Variants in ZNF175 observed in about 807,000 individuals in gnomAD.
ZNF175 encodes the protein zinc finger protein OTK18.
Under a neutral mutation model 14.0 loss-of-function variants are expected in ZNF175, and 8 were observed. That is an observed-to-expected ratio of 0.57 (90% CI 0.34 to 1.03). The LOEUF is 1.03. Among genes scored for constraint, ZNF175 ranks in the 50% least tolerant of loss-of-function variants. The probability of loss-of-function intolerance (pLI) is 0.03; values close to 1 mark genes in which losing one functional copy is unlikely to be tolerated. For synonymous variants in ZNF175, 255 were observed against 296.8 expected, an observed-to-expected ratio of 0.86 and a Z score of 1.45; for missense variants, 764 against 849.5, an observed-to-expected ratio of 0.90 and a Z score of 1.25.
chr19:51,575,244 T>C (rs1981737678), intron 2 of ZNF175, among the ~76,000 whole-genome samples: 1 of 131,924 alleles, frequency 7.6e-6, no homozygotes, highest in African/African-American at 2.9e-5. Flanking sequence ...TGAGACGGAG[T>C]CTCGCTCTGA....
intron 2 of ZNF175, among the ~76,000 whole-genome samples, chr19:51,575,307 C>A (rs1981742704): frequency 6.7e-6 from 1 of 150,338 alleles, no homozygotes; most frequent in Non-Finnish European, 1.5e-5. Context: ...AGCTGCACCT[C>A]CCGGGTTAAC....
Position 51,587,604 on chromosome 19 carries a change from G to A in ZNF175, c.1273G>A (p.Gly425Arg). ...GAGACAGTATGCATGCAGTGAATGTGGGAAAGCCTTTACCCAGAAGTCAAC... is the reference window on the plus strand; with the variant it reads ...GAGACAGTATGCATGCAGTGAATGTAGGAAAGCCTTTACCCAGAAGTCAAC... ...GERQYACSEC[G>R]KAFTQKSTLS... The change falls in exon 5 of 5, where the codon GGG becomes AGG. Residue 425 changes from glycine to arginine, a missense_variant. Gly to Arg is a moderately radical substitution (Grantham distance 125). Transcript: ENST00000262259. 2 of 1,614,128 alleles carry A rather than the reference G, an allele frequency of 1.2e-6. No individual in the cohort carries two copies. The highest frequency in any genetic ancestry group is 1.7e-6 in the Non-Finnish European group (2 of 1,180,020).
chr19:51,590,219 C>T lies in ZNF175; in HGVS notation c.*1752C>T, dbSNP rs991704760. On this transcript the variant is annotated 3_prime_UTR_variant, in exon 5 of 5. Transcript: ENST00000262259. Reference sequence around the variant, plus strand: ...CCAGGTTCCTGCATTTGATTCCTGGCTCCACTCTCTACCCTCTGCATCTGC... The same window carrying T: ...CCAGGTTCCTGCATTTGATTCCTGGTTCCACTCTCTACCCTCTGCATCTGC... 6.6e-6 allele frequency: 1 copy of T among 152,548 alleles called. No homozygotes were observed. The highest frequency in any genetic ancestry group is 2.4e-5 in the African/African-American group (1 of 41,442). 9.4% of individuals were successfully genotyped at this position (152,548 alleles called of 1,614,324 possible). A position where few individuals can be genotyped will look rare whatever the true frequency, so the allele number is the denominator to read the frequency against.
At chr19:51,580,409 A>G (rs1308158552) in intron 2 of ZNF175, among the ~76,000 whole-genome samples, 1 of 152,212 alleles carries the variant, frequency 6.6e-6, no homozygotes, top group African/African-American at 2.4e-5. Context: ...AGTCTTTCAT[A>G]TGGTTTTAGC....
At chr19:51,585,191 T>C (rs187830710) in intron 4 of ZNF175, among the ~76,000 whole-genome samples, 1 of 152,352 alleles carries the variant, frequency 6.6e-6, no homozygotes, top group African/African-American at 2.4e-5. Flanking sequence ...ATGAATCTTA[T>C]CATGATGCTA....
chr19:51,587,932 G>T lies in ZNF175; in HGVS notation c.1601G>T (p.Ser534Ile). ...IHTGERHHVC[S>I]ECGKAFNQKS... ...ACTGGAGAAAGACACCATGTATGCAGTGAATGCGGGAAAGCCTTCAACCAG... is the reference window on the plus strand; with the variant it reads ...ACTGGAGAAAGACACCATGTATGCATTGAATGCGGGAAAGCCTTCAACCAG... The change falls in exon 5 of 5, where the codon AGT becomes ATT. Residue 534 changes from serine (S) to isoleucine (I), a missense_variant. Coordinates refer to ENST00000262259, the MANE Select transcript of ZNF175 (RefSeq NM_007147.4). 1 of 1,614,200 alleles carries T rather than the reference G, an allele frequency of 6.2e-7. No homozygotes were observed. The highest frequency in any genetic ancestry group is 8.5e-7 in the Non-Finnish European group (1 of 1,180,022).
Position 51,586,711 on chromosome 19 carries a change from G to A in ZNF175, c.380G>A (p.Arg127Lys). The stretch of plus-strand genomic sequence containing the variant: ...AAGGATATGGTAGGTGAGTTCACAA[G>A]AGATGGTTCATGGTGTTCCATTTTA... ...FQKDMVGEFT[R>K]DGSWCSILEE... The change falls in exon 5 of 5, where the codon AGA becomes AAA. Residue 127 changes from arginine to lysine, a missense_variant. By Grantham distance (26) the Arg-to-Lys change is conservative (BLOSUM62 2). Transcript: ENST00000262259. 1 of 1,614,196 alleles carries A rather than the reference G, an allele frequency of 6.2e-7. No individual in the cohort carries two copies. Among genetic ancestry groups the A allele is most frequent in the South Asian group, 1.1e-5 (1 of 91,086 alleles).
chr19:51,583,806 C>T (rs537327300), intron 4 of ZNF175, among the ~76,000 whole-genome samples: 1 of 152,274 alleles, frequency 6.6e-6, no homozygotes, highest in Admixed American at 6.5e-5. Flanking sequence ...TCATGCTCTG[C>T]TCCATTGTTT....
At chr19:51,583,107 G>C (rs1328723803) in intron 4 of ZNF175, among the ~76,000 whole-genome samples, 1 of 152,072 alleles carries the variant, frequency 6.6e-6, no homozygotes, top group Non-Finnish European at 1.5e-5. Flanking sequence ...CGCCTGGCTT[G>C]GCCTCCCAAA....
chr19:51,584,517 T>C (rs964944608), intron 4 of ZNF175, among the ~76,000 whole-genome samples: 8 of 152,214 alleles, frequency 5.3e-5, no homozygotes, highest in African/African-American at 1.9e-4. Context: ...GCAAGATTTT[T>C]ATGACCTGAA....
chr19:51,591,798 G>C lies in ZNF175; in HGVS notation c.*3331G>C, dbSNP rs980190041. 1 of 142,982 alleles carries C rather than the reference G, an allele frequency of 7.0e-6. No homozygotes were observed. The highest frequency in any genetic ancestry group is 2.1e-4 in the East Asian group (1 of 4,872). 8.9% of individuals were successfully genotyped at this position (142,982 alleles called of 1,614,324 possible). ...TTTTTTTCTTGTGAGATGGAGTCTC[G>C]CTCTGTCGCCCAGGCTCTGGAGTGC... On this transcript the variant is annotated 3_prime_UTR_variant, in exon 5 of 5. Transcript: ENST00000262259.
chr19:51,573,563 G>A, intron 2 of ZNF175, 162 bp downstream of exon 2: 1 of 647,446 alleles, frequency 1.5e-6, no homozygotes, highest in Non-Finnish European at 2.6e-6. Context: ...GTGTTCTAGA[G>A]GAAACCATGA....
chr19:51,587,245 A>G lies in ZNF175; in HGVS notation c.914A>G (p.Asn305Ser). 1 of 1,614,050 alleles carries G rather than the reference A, an allele frequency of 6.2e-7. No homozygotes were observed. Among genetic ancestry groups the G allele is most frequent in the Non-Finnish European group, 8.5e-7 (1 of 1,179,988 alleles). ...FAQQRIHSVG[N>S]LHECGKCGKA... Reference sequence around the variant, plus strand: ...CAACAGAGAATTCATAGTGTAGGAAACCTCCATGAATGTGGCAAATGTGGA... The same window carrying G: ...CAACAGAGAATTCATAGTGTAGGAAGCCTCCATGAATGTGGCAAATGTGGA... Residue 305 changes from asparagine (N) to serine (S), a missense_variant, in exon 5 of 5, where the codon AAC becomes AGC. Asn to Ser is a conservative substitution (Grantham distance 46, BLOSUM62 1). Coordinates refer to ENST00000262259, the MANE Select transcript of ZNF175 (RefSeq NM_007147.4).
At chr19:51,583,096 C>G (rs1328352560) in intron 4 of ZNF175, among the ~76,000 whole-genome samples, 1 of 152,156 alleles carries the variant, frequency 6.6e-6, no homozygotes, top group Admixed American at 6.5e-5. Context: ...CTCAGGTGTT[C>G]CGCCTGGCTT....
At position 51,589,535 on chromosome 19, in the gene ZNF175, T is replaced by G. The variant is rs1374107293; in HGVS notation, c.*1068T>G. On this transcript the variant is annotated 3_prime_UTR_variant, in exon 5 of 5. Coordinates refer to ENST00000262259, the MANE Select transcript of ZNF175 (RefSeq NM_007147.4). Reference sequence around the variant, plus strand: ...TTACTGATCTTTATATTACAGATTTTCTCTTCTTTTAGGATTAGCTCAGCT... The same window carrying G: ...TTACTGATCTTTATATTACAGATTTGCTCTTCTTTTAGGATTAGCTCAGCT... The G allele has an allele frequency of 5.7e-6, 4 of 701,704 alleles. No homozygotes were observed. Among genetic ancestry groups the G allele is most frequent in the Non-Finnish European group, 1.0e-5 (4 of 384,692 alleles). 43.5% of individuals were successfully genotyped at this position (701,704 alleles called of 1,614,324 possible).
chr19:51,577,663 C>CTTTTT (rs35533410), intron 2 of ZNF175, among the ~76,000 whole-genome samples: 4 of 127,256 alleles, frequency 3.1e-5, no homozygotes, highest in East Asian at 2.3e-4. Flanking sequence ...CTTTCTCTCT[C>CTTTTT]TTTTTTTTTT....
At chr19:51,581,556 T>C (rs1055483553) in intron 3 of ZNF175, 39 bp downstream of exon 3, 6 of 1,588,478 alleles carry the variant, frequency 3.8e-6, no homozygotes, top group Non-Finnish European at 4.3e-6. Flanking sequence ...CTGGATCCTG[T>C]TGAGGAGATT....
In ZNF175 at chr19:51,576,209, G is replaced by A. The variant is rs77078226; in HGVS notation, c.72+2808G>A. ...CTTGTCTCCCAGGCTGGAGTGCAATGGCGCGATCTTGGCTCACTGCAACCT... is the reference window on the plus strand; with the variant it reads ...CTTGTCTCCCAGGCTGGAGTGCAATAGCGCGATCTTGGCTCACTGCAACCT... On this transcript the variant is annotated intron_variant, in intron 2 of 4. Coordinates refer to ENST00000262259, the MANE Select transcript of ZNF175 (RefSeq NM_007147.4). 2.6e-3 allele frequency among the ~76,000 whole-genome samples: 392 copies of A among 148,218 alleles called. 16 individuals carry two copies. In the East Asian group the frequency reaches 0.046, roughly 17 times the overall value.
At chr19:51,585,016 C>A (rs1490231108) in intron 4 of ZNF175, among the ~76,000 whole-genome samples, 1 of 152,196 alleles carries the variant, frequency 6.6e-6, no homozygotes, top group African/African-American at 2.4e-5. Flanking sequence ...AGGACCCAAA[C>A]AGCTGTTTGT....
Sources: gnomAD v4.1 joint callset for allele counts (sites outside exome capture counted in the v4.1 genomes callset) on GRCh38, gnomAD v4.1.1 for gene constraint, MANE v1.5 for transcripts, NCBI Gene and HGNC (gene_info 2026-07-23, HGNC 2026-07-21) for gene names.